Variants in MAGI3 observed in about 807,000 individuals in gnomAD.
MAGI3 encodes membrane associated guanylate kinase, WW and PDZ domain containing 3.
MAGI3 carries 43 observed loss-of-function variants against 121.8 expected under a neutral mutation model. That is an observed-to-expected ratio of 0.35 (90% CI 0.28 to 0.46). MAGI3 has a LOEUF of 0.46. Among genes scored for constraint, MAGI3 ranks in the 20% least tolerant of loss-of-function variants. The pLI is 1.00. For synonymous variants in MAGI3, 553 were observed against 639.3 expected (o/e 0.86, Z 2.04); for missense variants, 1,547 against 1,797.3 (o/e 0.86, Z 2.52).
chr1:113,573,218 C>G (rs1466675200), intron 2 of MAGI3, among the ~76,000 whole-genome samples: 1 of 152,160 alleles, frequency 6.6e-6, no homozygotes, highest in Non-Finnish European at 1.5e-5. Flanking sequence ...AGCCATTGCA[C>G]CCAGCCCTGT....
At chr1:113,503,132 TG>T (rs1295793077) in intron 1 of MAGI3, among the ~76,000 whole-genome samples, 9 of 85,598 alleles carry the variant, frequency 1.1e-4, no homozygotes, top group African/African-American at 4.8e-4. Flanking sequence ...GACACATTAG[TG>T]GGTGCAGCGC....
chr1:113,474,806 A>G (rs1475117008), intron 1 of MAGI3, among the ~76,000 whole-genome samples: 1 of 152,224 alleles, frequency 6.6e-6, no homozygotes, highest in African/African-American at 2.4e-5. Flanking sequence ...TGGGGATGGC[A>G]TTGAATCTAT....
intron 1 of MAGI3, among the ~76,000 whole-genome samples, chr1:113,489,606 G>A (rs541815372): frequency 2.0e-5 from 3 of 152,164 alleles, no homozygotes; most frequent in South Asian, 4.2e-4. Context: ...TGAGATACAC[G>A]AGTATGTTGA....
Position 113,412,765 on chromosome 1 carries a change from T to G in MAGI3, c.316+21416T>G, listed in dbSNP as rs560473780. On this transcript the variant is annotated intron_variant, in intron 1 of 20. Transcript: ENST00000307546. ...TAAATTTGTGTAAGTTCTTTGTAGA[T>G]TCTGGATATTAGCCCTTTGTCAGAT... 9.2e-5 allele frequency among the ~76,000 whole-genome samples: 14 copies of G among 152,274 alleles called. No individual in the cohort carries two copies. In the South Asian group the frequency reaches 2.9e-3, roughly 32 times the overall value.
chr1:113,563,754 A>G (rs1441041527), intron 2 of MAGI3, among the ~76,000 whole-genome samples: 1 of 152,130 alleles, frequency 6.6e-6, no homozygotes, highest in Admixed American at 6.5e-5. Context: ...TTTTCTATTC[A>G]CAAACCTCAC....
intron 8 of MAGI3, among the ~76,000 whole-genome samples, chr1:113,621,794 T>C (rs1214950696): frequency 6.6e-6 from 1 of 151,582 alleles, no homozygotes; most frequent in Non-Finnish European, 1.5e-5. Flanking sequence ...AGTACTGACA[T>C]ATGCTACAAT....
At chr1:113,484,970 G>T (rs1270745265) in intron 1 of MAGI3, among the ~76,000 whole-genome samples, 9 of 151,588 alleles carry the variant, frequency 5.9e-5, no homozygotes, top group African/African-American at 2.2e-4. Flanking sequence ...TTGACCTTGT[G>T]ATCTGCCGGC....
In MAGI3 at chr1:113,493,600, A is replaced by AG. The variant is rs765876307; in HGVS notation, c.317-55914dup. Among the ~76,000 whole-genome samples the AG allele has an allele frequency of 2.6e-5, 4 of 152,220 alleles. No individual in the cohort carries two copies. In the East Asian group the frequency reaches 5.8e-4, roughly 22 times the overall value. ...AACAGAGTGAACAGACAACCTACAGAGTGGCAGAAAATATTTGCAAATGAT... is the reference window on the plus strand; with the variant it reads ...AACAGAGTGAACAGACAACCTACAGAGGTGGCAGAAAATATTTGCAAATGAT... On this transcript the variant is annotated intron_variant, in intron 1 of 20. Coordinates refer to ENST00000307546, the MANE Select transcript of MAGI3 (RefSeq NM_001142782.2).
At chr1:113,431,445 G>C (rs1322834339) in intron 1 of MAGI3, among the ~76,000 whole-genome samples, 1 of 152,100 alleles carries the variant, frequency 6.6e-6, no homozygotes, top group Non-Finnish European at 1.5e-5. Context: ...AGTTGGAAAG[G>C]AAGAAACAAA....
chr1:113,530,715 G>A (rs1658672696), intron 1 of MAGI3, among the ~76,000 whole-genome samples: 1 of 152,138 alleles, frequency 6.6e-6, no homozygotes, highest in South Asian at 2.1e-4. Flanking sequence ...GAGCCCAGGA[G>A]TTCAAGACCA....
rs567922034 is a variant in MAGI3, at chr1:113,448,141, G to A, written c.316+56792G>A. On this transcript the variant is annotated intron_variant, in intron 1 of 20. Coordinates refer to ENST00000307546, the MANE Select transcript of MAGI3 (RefSeq NM_001142782.2). ...AGCTTCTTTCAAGGCAGTGGTACAT[G>A]GTGGAGGCTATCAGAGTTTCTAGAA... Among the ~76,000 whole-genome samples the A allele has an allele frequency of 3.3e-5, 5 of 152,288 alleles. No homozygotes were observed. The South Asian group carries it at 6.2e-4, about 19-fold the overall frequency.
At chr1:113,640,723 C>T (rs1652404064) in intron 9 of MAGI3, among the ~76,000 whole-genome samples, 1 of 151,032 alleles carries the variant, frequency 6.6e-6, no homozygotes. Context: ...CAGGGCCAGT[C>T]GGGGGTTGGG....
chr1:113,469,195 C>G (rs181013792), intron 1 of MAGI3, among the ~76,000 whole-genome samples: 2 of 152,220 alleles, frequency 1.3e-5, no homozygotes, highest in African/African-American at 4.8e-5. Flanking sequence ...TCCTCATTTA[C>G]AGGAAACAGA....
intron 1 of MAGI3, among the ~76,000 whole-genome samples, chr1:113,531,144 T>G (rs1658699981): frequency 6.6e-6 from 1 of 151,230 alleles, no homozygotes; most frequent in Admixed American, 6.6e-5. Flanking sequence ...CTCCACTTTC[T>G]TTTTTTTTAA....
intron 1 of MAGI3, among the ~76,000 whole-genome samples, chr1:113,476,977 A>G (rs772834252): frequency 4.0e-5 from 6 of 151,738 alleles, no homozygotes; most frequent in Non-Finnish European, 8.8e-5. Flanking sequence ...CCATTATGTA[A>G]TAGCCTTCTT....
At chr1:113,459,995 G>T (rs1654950134) in intron 1 of MAGI3, among the ~76,000 whole-genome samples, 2 of 152,164 alleles carry the variant, frequency 1.3e-5, no homozygotes, top group African/African-American at 4.8e-5. Context: ...CAGTATCCTT[G>T]ATGAACATTG....
chr1:113,441,884 A>G (rs183086977), intron 1 of MAGI3, among the ~76,000 whole-genome samples: 13 of 152,244 alleles, frequency 8.5e-5, no homozygotes. Context: ...TGAAGCAGTT[A>G]TTTTTCCATT....
chr1:113,641,082 AGATATATAT>A (rs1652482460), intron 9 of MAGI3, among the ~76,000 whole-genome samples: 1 of 52,832 alleles, frequency 1.9e-5, no homozygotes, highest in Non-Finnish European at 3.9e-5. Flanking sequence ...AATATATATG[AGATATATAT>A]TATATATATG....
chr1:113,493,774 A>G (rs1570756332), intron 1 of MAGI3, among the ~76,000 whole-genome samples: 1 of 152,212 alleles, frequency 6.6e-6, no homozygotes, highest in African/African-American at 2.4e-5. Flanking sequence ...AAAAGACTCA[A>G]CATCACTAAT....
Sources: gnomAD v4.1 joint callset for allele counts (sites outside exome capture counted in the v4.1 genomes callset) on GRCh38, gnomAD v4.1.1 for gene constraint, MANE v1.5 for transcripts, NCBI Gene and HGNC (gene_info 2026-07-23, HGNC 2026-07-21) for gene names.